PDE4D: variants seen among roughly 807,000 people sequenced by gnomAD.
The protein encoded by PDE4D is phosphodiesterase 4D.
PDE4D carries 24 observed loss-of-function variants against 87.4 expected under a neutral mutation model. The observed-to-expected ratio is 0.27, with a 90% confidence interval of 0.20 to 0.39. The LOEUF (loss-of-function observed/expected upper bound fraction) is 0.39. Ranked by LOEUF, PDE4D falls within the 10% of genes least tolerant of loss-of-function variation. The probability of loss-of-function intolerance (pLI) is 1.00; values close to 1 mark genes in which losing one functional copy is unlikely to be tolerated. For missense variants in PDE4D, 714 were observed against 1,041.0 expected (o/e 0.69, Z 4.32); for synonymous variants, 384 against 383.2 (o/e 1.00, Z -0.02).
intron 5 of PDE4D, among the ~76,000 whole-genome samples, chr5:59,049,332 C>T (rs1404389813): frequency 6.6e-6 from 1 of 152,154 alleles, no homozygotes; most frequent in African/African-American, 2.4e-5. Context: ...GAGATTCAAA[C>T]AGTAATACTG....
intron 2 of PDE4D, among the ~76,000 whole-genome samples, chr5:60,108,683 C>G (rs888997737): frequency 2.6e-5 from 4 of 152,012 alleles, no homozygotes; most frequent in Non-Finnish European, 4.4e-5. Context: ...TGGAACAGAA[C>G]AGAGCCCTCA....
intron 2 of PDE4D, among the ~76,000 whole-genome samples, chr5:59,198,999 A>G (rs1746114450): frequency 6.6e-6 from 1 of 152,228 alleles, no homozygotes; most frequent in African/African-American, 2.4e-5. Context: ...ATTGGTTGAA[A>G]TCTTAAACAC....
intron 2 of PDE4D, among the ~76,000 whole-genome samples, chr5:59,200,151 A>G (rs1005923733): frequency 6.8e-5 from 9 of 132,598 alleles, no homozygotes; most frequent in African/African-American, 2.3e-4. Context: ...GTACACGTAT[A>G]TGTATATATA....
chr5:60,244,721 T>A (rs1168363851), intron 1 of PDE4D, among the ~76,000 whole-genome samples: 2 of 152,022 alleles, frequency 1.3e-5, no homozygotes, highest in Non-Finnish European at 2.9e-5. Flanking sequence ...CTTCTATAAA[T>A]GGTGCTGGAA....
intron 1 of PDE4D, among the ~76,000 whole-genome samples, chr5:59,415,987 C>T (rs1409197289): frequency 6.6e-6 from 1 of 152,082 alleles, no homozygotes; most frequent in East Asian, 1.9e-4. Flanking sequence ...ATGGGATAGG[C>T]TATTCCTTTC....
chr5:59,416,783 T>C (rs1793683503), intron 1 of PDE4D, among the ~76,000 whole-genome samples: 1 of 152,138 alleles, frequency 6.6e-6, no homozygotes, highest in Admixed American at 6.5e-5. Flanking sequence ...CTAAGGGGTG[T>C]AGTGCTTTTT....
chr5:60,075,108 G>A (rs993465634), intron 2 of PDE4D, among the ~76,000 whole-genome samples: 1 of 152,000 alleles, frequency 6.6e-6, no homozygotes, highest in Non-Finnish European at 1.5e-5. Context: ...TCACTGGTCT[G>A]TGTACTTATA....
At chr5:59,507,557 T>C (rs888621732) in intron 1 of PDE4D, among the ~76,000 whole-genome samples, 5 of 149,700 alleles carry the variant, frequency 3.3e-5, no homozygotes, top group African/African-American at 1.2e-4. Flanking sequence ...CCTAGCTACT[T>C]GGGAGGCTGA....
intron 1 of PDE4D, among the ~76,000 whole-genome samples, chr5:60,383,810 C>T (rs1220485455): frequency 2.0e-5 from 3 of 152,136 alleles, no homozygotes; most frequent in Non-Finnish European, 4.4e-5. Context: ...TTTAAAATGC[C>T]TTTAAATACA....
At position 59,031,686 on chromosome 5, in the gene PDE4D, C is replaced by A. The variant is rs371741753; in HGVS notation, c.921+7173G>T. ...TCACACCACTGCACTCCAGCCTGGG[C>A]TACAAAGCGAGACTCCACCTCAAAA... On this transcript the variant is annotated intron_variant, in intron 6 of 14. Transcript: ENST00000340635. Among the ~76,000 whole-genome samples, 20 of 109,288 alleles carry A rather than the reference C, an allele frequency of 1.8e-4. No individual in the cohort carries two copies. The East Asian group carries it at 4.4e-3, about 24-fold the overall frequency. The allele number at this position is 109,288 out of a possible 152,430, so 71.7% of individuals were successfully genotyped here.
At chr5:59,442,153 A>G (rs1797723229) in intron 1 of PDE4D, among the ~76,000 whole-genome samples, 1 of 152,210 alleles carries the variant, frequency 6.6e-6, no homozygotes, top group Admixed American at 6.5e-5. Context: ...ACCATTTTTT[A>G]TTAATGAAAG....
In PDE4D at chr5:59,860,453, A is replaced by G. The variant is rs538289374; in HGVS notation, c.455+32715T>C. 3.3e-4 allele frequency among the ~76,000 whole-genome samples: 51 copies of G among 152,296 alleles called. No individual in the cohort carries two copies. In the South Asian group the frequency reaches 8.5e-3, roughly 25 times the overall value. The stretch of plus-strand genomic sequence containing the variant: ...GATTTTTTTCTAAATATATTATACA[A>G]TAGGGAACTGTTATTTTACTTATTG... On this transcript the variant is annotated intron_variant, in intron 1 of 14. Coordinates refer to ENST00000340635, the MANE Select transcript of PDE4D (RefSeq NM_001104631.2).
Position 60,027,068 on chromosome 5 carries a change from CTCTTTTTTTCTTTTT to C in PDE4D, c.43-38366_43-38352del, listed in dbSNP as rs575254079. Reference sequence around the variant, plus strand: ...ATTCCCCCGCCATTTTTTTCCTTCTCTCTTTTTTTCTTTTTAATTTTAGATTCAGGAGGCACATGT... The same window carrying C: ...ATTCCCCCGCCATTTTTTTCCTTCTCAATTTTAGATTCAGGAGGCACATGT... On this transcript the variant is annotated intron_variant, in intron 2 of 16. Transcript: ENST00000502484. Among the ~76,000 whole-genome samples, 59 of 152,136 alleles carry C rather than the reference CTCTTTTTTTCTTTTT, an allele frequency of 3.9e-4. No homozygotes were observed. The East Asian group carries it at 7.9e-3, about 20-fold the overall frequency.
At chr5:59,779,226 T>C (rs1279438792) in intron 1 of PDE4D, among the ~76,000 whole-genome samples, 1 of 152,198 alleles carries the variant, frequency 6.6e-6, no homozygotes, top group Admixed American at 6.5e-5. Context: ...ATGTATTTGT[T>C]TTAAATTAGC....
chr5:59,486,135 C>T (rs1805105694), intron 1 of PDE4D, among the ~76,000 whole-genome samples: 1 of 152,004 alleles, frequency 6.6e-6, no homozygotes, highest in Non-Finnish European at 1.5e-5. Context: ...ACAATCTGCA[C>T]TCTGTTAAAA....
chr5:60,394,917 CA>C (rs1385323579), intron 1 of PDE4D, among the ~76,000 whole-genome samples: 1 of 152,128 alleles, frequency 6.6e-6, no homozygotes, highest in Non-Finnish European at 1.5e-5. Flanking sequence ...TGGCAAGAAC[CA>C]AAACTCAGCA....
intron 1 of PDE4D, among the ~76,000 whole-genome samples, chr5:59,347,359 T>C (rs1779778977): frequency 6.6e-6 from 1 of 152,188 alleles, no homozygotes; most frequent in Non-Finnish European, 1.5e-5. Flanking sequence ...GTGACAAGCA[T>C]TGGAAGCATA....
At chr5:59,560,694 T>C (rs1266377241) in intron 1 of PDE4D, 1 of 152,248 alleles carries the variant, frequency 6.6e-6, no homozygotes, top group Non-Finnish European at 1.5e-5. Context: ...AGATTGAGCA[T>C]AGTCAGGGAA....
At chr5:59,141,248 T>G (rs1777845917) in intron 5 of PDE4D, among the ~76,000 whole-genome samples, 1 of 152,224 alleles carries the variant, frequency 6.6e-6, no homozygotes, top group South Asian at 2.1e-4. Context: ...TGTCTAAGTC[T>G]TTCTGTTCTT....
Sources: gnomAD v4.1 joint callset for allele counts (sites outside exome capture counted in the v4.1 genomes callset) on GRCh38, gnomAD v4.1.1 for gene constraint, MANE v1.5 for transcripts, NCBI Gene and HGNC (gene_info 2026-07-23, HGNC 2026-07-21) for gene names.